Variants in QTMAN observed in about 807,000 individuals in gnomAD.
QTMAN encodes queuosine-tRNA mannosyltransferase.
the QTMAN span, among the ~76,000 whole-genome samples, chr2:144,156,966 C>T: frequency 6.6e-6 from 1 of 151,976 alleles, no homozygotes; most frequent in African/African-American, 2.4e-5. Flanking sequence ...CCACGTTAGC[C>T]AGTAAGAGGC....
the QTMAN span, among the ~76,000 whole-genome samples, chr2:144,054,404 C>T: frequency 1.1e-3 from 174 of 152,164 alleles, 2 homozygotes; most frequent in African/African-American, 4.0e-3. Context: ...AGATACCTTG[C>T]GGATCATTTA....
At chr2:144,035,569 C>T in the QTMAN span, among the ~76,000 whole-genome samples, 1 of 152,046 alleles carries the variant, frequency 6.6e-6, no homozygotes, top group Admixed American at 6.6e-5. Flanking sequence ...AAGTAACTAT[C>T]ATCACAGAAT....
At chr2:144,055,334 G>GACACACACACAC in the QTMAN span, among the ~76,000 whole-genome samples, 21 of 132,856 alleles carry the variant, frequency 1.6e-4, no homozygotes, top group African/African-American at 3.7e-4. Flanking sequence ...CAGACACACA[G>GACACACACACAC]ACACACACAC....
the QTMAN span, among the ~76,000 whole-genome samples, chr2:144,215,062 G>A: frequency 6.6e-6 from 1 of 151,928 alleles, no homozygotes; most frequent in East Asian, 1.9e-4. Context: ...GGGCTGTTGT[G>A]AGGCTCCATC....
chr2:144,314,227 T>C, the QTMAN span, among the ~76,000 whole-genome samples: 1 of 152,178 alleles, frequency 6.6e-6, no homozygotes, highest in African/African-American at 2.4e-5. Context: ...AATGAACCAC[T>C]AATACATGCA....
the QTMAN span, among the ~76,000 whole-genome samples, chr2:144,243,966 T>G: frequency 6.6e-6 from 1 of 152,228 alleles, no homozygotes; most frequent in Admixed American, 6.5e-5. Context: ...ACTGGCGCTA[T>G]ACCTGCTGTC....
chr2:144,113,470 T>C, the QTMAN span, among the ~76,000 whole-genome samples: 1 of 151,230 alleles, frequency 6.6e-6, no homozygotes, highest in Non-Finnish European at 1.5e-5. Context: ...TATGGGACTA[T>C]AACAAAAGCT....
the QTMAN span, among the ~76,000 whole-genome samples, chr2:144,141,610 A>C: frequency 5.3e-4 from 80 of 150,898 alleles, no homozygotes; most frequent in African/African-American, 1.9e-3. Context: ...AAAGAAAGAA[A>C]GAAAGAAACA....
At chr2:144,038,548 G>A in the QTMAN span, among the ~76,000 whole-genome samples, 10 of 152,174 alleles carry the variant, frequency 6.6e-5, no homozygotes, top group East Asian at 1.7e-3. Flanking sequence ...AAGCAACTAC[G>A]GTATACCCAA....
the QTMAN span, among the ~76,000 whole-genome samples, chr2:144,074,789 T>C: frequency 6.6e-6 from 1 of 152,134 alleles, no homozygotes; most frequent in South Asian, 2.1e-4. Context: ...ATATCCAGAG[T>C]ATTAGTAATG....
the QTMAN span, among the ~76,000 whole-genome samples, chr2:144,315,094 C>T: frequency 6.6e-6 from 1 of 152,044 alleles, no homozygotes; most frequent in Non-Finnish European, 1.5e-5. Flanking sequence ...CCATTTTGGC[C>T]AGGCTGGTCT....
At chr2:144,269,599 T>C in the QTMAN span, among the ~76,000 whole-genome samples, 88 of 152,272 alleles carry the variant, frequency 5.8e-4, no homozygotes, top group East Asian at 0.015. Flanking sequence ...TTTTATACAG[T>C]TGGTTCTTTT....
chr2:144,017,447 T>C, the QTMAN span, among the ~76,000 whole-genome samples: 1 of 152,226 alleles, frequency 6.6e-6, no homozygotes, highest in Non-Finnish European at 1.5e-5. Context: ...ACAGTAAGAA[T>C]GAGGCTAGTC....
At chr2:144,255,511 AC>A in the QTMAN span, among the ~76,000 whole-genome samples, 1 of 152,126 alleles carries the variant, frequency 6.6e-6, no homozygotes, top group Admixed American at 6.6e-5. Flanking sequence ...TTTATAAATT[AC>A]CCAGTCTCGG....
the QTMAN span, among the ~76,000 whole-genome samples, chr2:144,328,196 C>T: frequency 6.6e-6 from 1 of 152,160 alleles, no homozygotes; most frequent in Non-Finnish European, 1.5e-5. Flanking sequence ...GGTGATCCAC[C>T]AGTCTTGGCC....
the QTMAN span, among the ~76,000 whole-genome samples, chr2:144,077,084 A>T: frequency 6.6e-6 from 1 of 151,938 alleles, no homozygotes; most frequent in Non-Finnish European, 1.5e-5. Context: ...AGAATCCTAT[A>T]TATTTACAAA....
the QTMAN span, among the ~76,000 whole-genome samples, chr2:143,947,683 C>A: frequency 6.6e-6 from 1 of 152,130 alleles, no homozygotes; most frequent in Non-Finnish European, 1.5e-5. Context: ...ACAGATGAAT[C>A]ACATAGAGGC....
the QTMAN span, among the ~76,000 whole-genome samples, chr2:144,142,536 AG>A: frequency 1.3e-5 from 2 of 151,916 alleles, no homozygotes; most frequent in Non-Finnish European, 2.9e-5. Flanking sequence ...TTTCATACTA[AG>A]GCACGATACC....
the QTMAN span, among the ~76,000 whole-genome samples, chr2:144,090,766 C>A: frequency 3.9e-5 from 6 of 152,118 alleles, 1 homozygote; most frequent in South Asian, 1.0e-3. Flanking sequence ...TACGTCGTGT[C>A]TCTTCAATTG....
Sources: allele counts gnomAD v4.1 joint callset (sites outside exome capture counted in the v4.1 genomes callset), GRCh38; gene constraint gnomAD v4.1.1; transcripts MANE v1.5; gene names NCBI Gene and HGNC (gene_info 2026-07-23, HGNC 2026-07-21).